Variants in RCAN2 observed in about 807,000 individuals in gnomAD.
RCAN2 encodes regulator of calcineurin 2, also known as calcipressin-2.
A neutral mutation model predicts 23.6 loss-of-function variants in RCAN2; 9 were observed. The observed-to-expected ratio is 0.38, with a 90% confidence interval of 0.23 to 0.67. The LOEUF (loss-of-function observed/expected upper bound fraction) is 0.67, where lower values mean the gene tolerates loss of function less well. Ranked by LOEUF, RCAN2 falls within the 30% of genes least tolerant of loss-of-function variation. The probability of loss-of-function intolerance (pLI) is 0.51; values close to 1 mark genes in which losing one functional copy is unlikely to be tolerated. For missense variants in RCAN2, 273 were observed against 302.3 expected (o/e 0.90, Z 0.72); for synonymous variants, 109 against 115.7 (o/e 0.94, Z 0.37).
chr6:46,271,256 T>A (rs192691340), intron 2 of RCAN2, among the ~76,000 whole-genome samples: 90 of 152,258 alleles, frequency 5.9e-4, no homozygotes, highest in Admixed American at 2.4e-3. Flanking sequence ...ATCTGCAAGG[T>A]AGGCCAACAG....
intron 2 of RCAN2, among the ~76,000 whole-genome samples, chr6:46,332,697 C>T (rs2150367919): frequency 6.6e-6 from 1 of 152,194 alleles, no homozygotes; most frequent in Non-Finnish European, 1.5e-5. Flanking sequence ...TTTCCTTAAT[C>T]CAGTCTATCA....
At chr6:46,271,079 C>G (rs1767508836) in intron 2 of RCAN2, among the ~76,000 whole-genome samples, 1 of 152,176 alleles carries the variant, frequency 6.6e-6, no homozygotes, top group South Asian at 2.1e-4. Flanking sequence ...GGGCAATTTG[C>G]TACCTATTTG....
intron 2 of RCAN2, among the ~76,000 whole-genome samples, chr6:46,309,585 G>A (rs182744515): frequency 6.6e-6 from 1 of 152,172 alleles, no homozygotes; most frequent in East Asian, 1.9e-4. Flanking sequence ...GGTGCTCAAG[G>A]TCATCCATAG....
At chr6:46,471,319 C>A (rs545133615) in intron 1 of RCAN2, among the ~76,000 whole-genome samples, 1 of 152,150 alleles carries the variant, frequency 6.6e-6, no homozygotes, top group African/African-American at 2.4e-5. Flanking sequence ...AAGTAGGAAC[C>A]TACTAAGAAA....
chr6:46,409,633 T>G (rs1292395158), intron 2 of RCAN2, among the ~76,000 whole-genome samples: 1 of 152,236 alleles, frequency 6.6e-6, no homozygotes, highest in African/African-American at 2.4e-5. Context: ...TAGTTCATTA[T>G]GTACATTATG....
At chr6:46,318,921 A>G (rs1346813777) in intron 2 of RCAN2, among the ~76,000 whole-genome samples, 1 of 152,110 alleles carries the variant, frequency 6.6e-6, no homozygotes, top group Admixed American at 6.5e-5. Flanking sequence ...TTGACAATTA[A>G]CTCTCCATTC....
At chr6:46,464,321 C>A (rs1485548292) in intron 1 of RCAN2, among the ~76,000 whole-genome samples, 1 of 151,882 alleles carries the variant, frequency 6.6e-6, no homozygotes, top group African/African-American at 2.4e-5. Context: ...ATATCTGGGA[C>A]AAAATGAGCT....
chr6:46,419,479 C>A (rs1460176793), intron 2 of RCAN2, among the ~76,000 whole-genome samples: 3 of 152,108 alleles, frequency 2.0e-5, no homozygotes, highest in Non-Finnish European at 4.4e-5. Context: ...CTTCAAACCA[C>A]CTGATTTCAT....
chr6:46,353,568 T>G (rs1376986750), intron 2 of RCAN2, among the ~76,000 whole-genome samples: 1 of 152,198 alleles, frequency 6.6e-6, no homozygotes, highest in Non-Finnish European at 1.5e-5. Context: ...TAAGTTCAGC[T>G]TGGGGCTTGT....
chr6:46,374,466 G>A (rs9472743), intron 2 of RCAN2, among the ~76,000 whole-genome samples: 227 of 152,188 alleles, frequency 1.5e-3, no homozygotes, highest in African/African-American at 4.9e-3. Context: ...TCCACAGAAC[G>A]TAGTATAATT....
At chr6:46,491,947 GC>G (rs2150454009), upstream of RCAN2, 1 of 152,458 alleles carries the variant, frequency 6.6e-6, no homozygotes, top group East Asian at 1.9e-4. Context: ...GGGCTTCTGC[GC>G]TTGGTGGGCG....
intron 2 of RCAN2, among the ~76,000 whole-genome samples, chr6:46,382,927 C>T (rs547807130): frequency 1.7e-4 from 26 of 152,252 alleles, no homozygotes; most frequent in Middle Eastern, 6.8e-3. Flanking sequence ...ATGGAAGACT[C>T]ATTGCTCAGC....
At chr6:46,241,196 C>T (rs1428786752) in intron 4 of RCAN2, among the ~76,000 whole-genome samples, 2 of 152,142 alleles carry the variant, frequency 1.3e-5, no homozygotes, top group Non-Finnish European at 2.9e-5. Flanking sequence ...AGCTATTTTG[C>T]CAGGCTGGGT....
chr6:46,376,110 C>T lies in RCAN2; in HGVS notation c.225+80642G>A, dbSNP rs116726037. ...CCTTCCTTTCTTGTTGGTTATATTC[C>T]AGACAAGGTACACAACGCAGTCAGC... On this transcript the variant is annotated intron_variant, in intron 2 of 4. Transcript: ENST00000371374. Among the ~76,000 whole-genome samples the T allele has an allele frequency of 5.1e-3, 770 of 152,218 alleles. 9 individuals carry two copies. Among genetic ancestry groups the T allele is most frequent in the African/African-American group, 0.018 (734 of 41,532 alleles).
intron 2 of RCAN2, among the ~76,000 whole-genome samples, chr6:46,377,747 G>C (rs1219219762): frequency 6.6e-6 from 1 of 152,118 alleles, no homozygotes; most frequent in African/African-American, 2.4e-5. Context: ...GCTAAATTTT[G>C]ACAAGTTCAG....
At chr6:46,334,955 G>A (rs931645772) in intron 2 of RCAN2, among the ~76,000 whole-genome samples, 1 of 130,674 alleles carries the variant, frequency 7.7e-6, no homozygotes, top group African/African-American at 2.5e-5. Context: ...TTAAGAAGCT[G>A]ACACACTCGA....
At chr6:46,429,418 C>T (rs1767124535) in intron 2 of RCAN2, among the ~76,000 whole-genome samples, 1 of 152,168 alleles carries the variant, frequency 6.6e-6, no homozygotes, top group African/African-American at 2.4e-5. Flanking sequence ...TTACCTTGCA[C>T]ATTTGCTGTA....
rs111643078 is a variant in RCAN2 at position 46,362,513 on chromosome 6, C to A, written c.225+94239G>T. ...CAAACAAATCCTCAAGGGGTGGCAA[C>A]CTTATATCTTCACAAACTCATTATA... On this transcript the variant is annotated intron_variant, in intron 2 of 4. Transcript: ENST00000371374. Among the ~76,000 whole-genome samples the A allele has an allele frequency of 9.0e-3, 1,367 of 152,088 alleles. 18 individuals carry two copies. Among genetic ancestry groups the A allele is most frequent in the African/African-American group, 0.03 (1,244 of 41,472 alleles).
intron 2 of RCAN2, among the ~76,000 whole-genome samples, chr6:46,334,836 C>T (rs964059557): frequency 6.6e-5 from 10 of 152,118 alleles, no homozygotes; most frequent in South Asian, 2.1e-4. Context: ...CCTTCCTCCC[C>T]GGGTCCAAGA....
Sources: gnomAD v4.1 joint callset for allele counts (sites outside exome capture counted in the v4.1 genomes callset) on GRCh38, gnomAD v4.1.1 for gene constraint, MANE v1.5 for transcripts, NCBI Gene and HGNC (gene_info 2026-07-23, HGNC 2026-07-21) for gene names.